KAZN: variants seen among roughly 807,000 people sequenced by gnomAD.
The protein encoded by KAZN is kazrin, periplakin interacting protein.
Under a neutral mutation model 87.4 loss-of-function variants are expected in KAZN, and 40 were observed. The ratio of observed to expected loss-of-function variants is 0.46; its 90% CI spans 0.36 to 0.60. The LOEUF is 0.60. Ranked by LOEUF, KAZN falls within the 20% of genes least tolerant of loss-of-function variation. The pLI is 0.00. For missense variants in KAZN, 898 were observed against 1,073.9 expected (o/e 0.84, Z 2.29); for synonymous variants, 466 against 458.3 (o/e 1.02, Z -0.22).
intron 1 of KAZN, among the ~76,000 whole-genome samples, chr1:14,090,762 A>G (rs1338472571): frequency 2.6e-5 from 4 of 152,100 alleles, no homozygotes; most frequent in Admixed American, 1.3e-4. Context: ...CTCTCTGGCC[A>G]TTCTTTCTGG....
intron 1 of KAZN, among the ~76,000 whole-genome samples, chr1:14,931,151 G>C (rs78999727): frequency 0.051 from 7,764 of 152,158 alleles, 277 homozygotes; most frequent in Middle Eastern, 0.11. Context: ...GAAAAGGTAT[G>C]GGAGGCTGGG....
Position 14,820,848 on chromosome 1 carries a change from G to A in KAZN, c.227-139836G>A, listed in dbSNP as rs1046504268. 1.3e-5 allele frequency among the ~76,000 whole-genome samples: 2 copies of A among 152,268 alleles called. No individual in the cohort carries two copies. Among genetic ancestry groups the A allele is most frequent in the African/African-American group, 2.4e-5 (1 of 41,552 alleles). On this transcript the variant is annotated intron_variant, in intron 1 of 14. Transcript: ENST00000376030. This position sits in a 1 kb window ranked among gnomAD's most constrained non-coding sequence, Gnocchi z 4.1. ...GCAGTCTGATGCAGGGAAGGGATAC[G>A]CCCAAGATGGCCAGGAGAGAAGAGC...
intron 2 of KAZN, among the ~76,000 whole-genome samples, chr1:14,483,168 T>A (rs1450408468): frequency 6.6e-6 from 1 of 152,206 alleles, no homozygotes; most frequent in African/African-American, 2.4e-5. Flanking sequence ...AAATCTGATT[T>A]ATCTTCCAAC....
At chr1:14,591,928 C>G (rs1442409989) in intron 2 of KAZN, among the ~76,000 whole-genome samples, 2 of 152,146 alleles carry the variant, frequency 1.3e-5, no homozygotes, top group Non-Finnish European at 2.9e-5. Context: ...GGTATCTTTT[C>G]TTCTCCATCT....
intron 1 of KAZN, among the ~76,000 whole-genome samples, chr1:14,900,817 C>T (rs1655797971): frequency 6.6e-6 from 1 of 151,322 alleles, no homozygotes; most frequent in African/African-American, 2.4e-5. Context: ...GGTGCAGCTA[C>T]TACTGTGGTC....
intron 2 of KAZN, among the ~76,000 whole-genome samples, chr1:14,552,568 G>A (rs1673605490): frequency 1.3e-5 from 2 of 152,220 alleles, no homozygotes; most frequent in Non-Finnish European, 2.9e-5. Context: ...GTCTTGGGGA[G>A]CTTGTGCTAT....
chr1:14,096,273 A>G (rs528539778), intron 1 of KAZN, among the ~76,000 whole-genome samples: 1 of 152,332 alleles, frequency 6.6e-6, no homozygotes, highest in South Asian at 2.1e-4. Flanking sequence ...GGACATTTTG[A>G]CCTGCAACCA....
intron 2 of KAZN, among the ~76,000 whole-genome samples, chr1:14,225,474 C>G (rs1171301720): frequency 6.6e-6 from 1 of 152,124 alleles, no homozygotes; most frequent in Non-Finnish European, 1.5e-5. Flanking sequence ...TTTACAGATT[C>G]AATGCTATCC....
At chr1:14,327,914 A>G (rs1656557114) in intron 2 of KAZN, among the ~76,000 whole-genome samples, 1 of 152,260 alleles carries the variant, frequency 6.6e-6, no homozygotes, top group South Asian at 2.1e-4. Flanking sequence ...GGTCTTGCTA[A>G]GCTATCTGGA....
chr1:15,052,592 A>G (rs923056045), intron 4 of KAZN, among the ~76,000 whole-genome samples: 1 of 151,622 alleles, frequency 6.6e-6, no homozygotes, highest in Non-Finnish European at 1.5e-5. Flanking sequence ...ATGTGTGTGC[A>G]TGTGTGTATG....
At chr1:14,794,117 G>A (rs1267045745) in intron 1 of KAZN, among the ~76,000 whole-genome samples, 5 of 152,160 alleles carry the variant, frequency 3.3e-5, no homozygotes, top group African/African-American at 1.2e-4. Context: ...ACCTGGTTTG[G>A]AGGTGGCATC....
At chr1:14,168,674 A>G (rs190902204) in intron 1 of KAZN, among the ~76,000 whole-genome samples, 86 of 152,310 alleles carry the variant, frequency 5.6e-4, no homozygotes, top group African/African-American at 2.0e-3. Flanking sequence ...ATGAATTGTC[A>G]TATTCTTCAG....
At chr1:14,527,046 A>G (rs1671907693) in intron 2 of KAZN, among the ~76,000 whole-genome samples, 1 of 152,220 alleles carries the variant, frequency 6.6e-6, no homozygotes, top group Non-Finnish European at 1.5e-5. Context: ...CTATTATTGC[A>G]TAAGAAACAT....
chr1:14,701,360 G>A (rs1195372350), intron 1 of KAZN, among the ~76,000 whole-genome samples: 1 of 152,182 alleles, frequency 6.6e-6, no homozygotes. Context: ...TGAACTCCTG[G>A]ACTCAAGCTG....
At chr1:14,092,634 TACAC>T (rs949695727) in intron 1 of KAZN, among the ~76,000 whole-genome samples, 2 of 151,514 alleles carry the variant, frequency 1.3e-5, no homozygotes, top group Admixed American at 6.6e-5. Context: ...TACACACCCT[TACAC>T]ACACACACGC....
intron 2 of KAZN, among the ~76,000 whole-genome samples, chr1:14,418,663 A>C (rs1050927125): frequency 6.6e-6 from 1 of 152,114 alleles, no homozygotes; most frequent in Non-Finnish European, 1.5e-5. Flanking sequence ...TTTTCAGGAG[A>C]TCCAATGCTT....
intron 1 of KAZN, among the ~76,000 whole-genome samples, chr1:14,714,840 G>A (rs1642703615): frequency 1.4e-5 from 2 of 144,874 alleles, no homozygotes; most frequent in African/African-American, 5.3e-5. Flanking sequence ...TGTCGTTCAG[G>A]CTGGAGTGCA....
intron 1 of KAZN, among the ~76,000 whole-genome samples, chr1:14,146,645 A>G (rs1645359009): frequency 1.3e-5 from 2 of 151,320 alleles, no homozygotes; most frequent in Admixed American, 6.6e-5. Flanking sequence ...TATCCTCAGA[A>G]TTGATTGATA....
chr1:14,450,586 C>T (rs1391264946), intron 2 of KAZN, among the ~76,000 whole-genome samples: 17 of 151,930 alleles, frequency 1.1e-4, no homozygotes, highest in Non-Finnish European at 2.9e-5. Context: ...CAAGACTCCA[C>T]CTCAAAAAAA....
Sources: allele counts gnomAD v4.1 joint callset (sites outside exome capture counted in the v4.1 genomes callset), GRCh38; gene constraint gnomAD v4.1.1; non-coding constraint Gnocchi (gnomAD v3.1); transcripts MANE v1.5; gene names NCBI Gene and HGNC (gene_info 2026-07-23, HGNC 2026-07-21).